The following USP43 variants were observed in gnomAD, a reference collection of about 807,000 sequenced individuals.
The protein encoded by USP43 is ubiquitin specific peptidase 43.
Under a neutral mutation model 90.7 loss-of-function variants are expected in USP43, and 33 were observed. The observed-to-expected ratio is 0.36, with a 90% CI of 0.28 to 0.49. The LOEUF (loss-of-function observed/expected upper bound fraction) is 0.49. Among genes scored for constraint, USP43 ranks in the 20% least tolerant of loss-of-function variants. The pLI, the probability that USP43 is intolerant of heterozygous loss-of-function variation, is 0.98. For synonymous variants in USP43, 598 were observed against 615.8 expected, an observed-to-expected ratio of 0.97 and a Z score of 0.43; for missense variants, 1,274 against 1,476.4, an observed-to-expected ratio of 0.86 and a Z score of 2.25.
intron 2 of USP43, among the ~76,000 whole-genome samples, chr17:9,664,789 C>T (rs1464897091): frequency 1.3e-5 from 2 of 152,114 alleles, no homozygotes; most frequent in African/African-American, 2.4e-5. Context: ...AGGTGCCCGC[C>T]ACCACGCCCA....
chr17:9,719,446 G>T (rs540743549), intron 14 of USP43, among the ~76,000 whole-genome samples: 3 of 152,186 alleles, frequency 2.0e-5, no homozygotes, highest in South Asian at 2.1e-4. Flanking sequence ...CATTTTACTC[G>T]CATTCTCTAA....
chr17:9,680,308 G>A lies in USP43; in HGVS notation c.1047G>A (p.Glu349=). 4 of 1,613,964 alleles carry A rather than the reference G, an allele frequency of 2.5e-6. No homozygotes were observed. In the South Asian group the frequency reaches 4.4e-5, roughly 18 times the overall value. ...FDEEDLNTIA[E]GDNVYAFQVP... ...AAGAGGACCTGAATACCATCGCAGA[G>A]GGAGATAATGTGTATGCCTTTCAAG... The change falls in exon 6 of 15, where the codon GAG becomes GAA. Residue 349 remains glutamate, a synonymous_variant. Coordinates refer to ENST00000285199, the MANE Select transcript of USP43 (RefSeq NM_153210.5).
chr17:9,678,782 A>C (rs75742635), intron 5 of USP43, among the ~76,000 whole-genome samples: 10,739 of 149,414 alleles, frequency 0.072, 358 homozygotes, highest in African/African-American at 0.083. Context: ...TTTTACATTG[A>C]GCAATTTTTC....
intron 1 of USP43, among the ~76,000 whole-genome samples, chr17:9,651,245 G>T (rs1187474233): frequency 6.6e-6 from 1 of 151,754 alleles, no homozygotes; most frequent in Non-Finnish European, 1.5e-5. Context: ...CTGGAGTGTG[G>T]CAGTGGTGCA....
At chr17:9,683,998 G>A (rs1273151742) in intron 7 of USP43, among the ~76,000 whole-genome samples, 1 of 152,048 alleles carries the variant, frequency 6.6e-6, no homozygotes, top group Non-Finnish European at 1.5e-5. Flanking sequence ...CTATCCAGGT[G>A]TGGTGGCACG....
intron 8 of USP43, among the ~76,000 whole-genome samples, chr17:9,692,337 C>A (rs368522257): frequency 6.6e-6 from 1 of 152,088 alleles, no homozygotes; most frequent in Non-Finnish European, 1.5e-5. Flanking sequence ...CCAGCCTGGG[C>A]GACAGAGTGA....
At chr17:9,706,190 T>C (rs1243017347) in intron 12 of USP43, among the ~76,000 whole-genome samples, 1 of 152,218 alleles carries the variant, frequency 6.6e-6, no homozygotes, top group Non-Finnish European at 1.5e-5. Flanking sequence ...AATGAATTAT[T>C]AGTCTTTTTC....
At chr17:9,657,058 G>A (rs1177476171) in intron 2 of USP43, among the ~76,000 whole-genome samples, 1 of 152,156 alleles carries the variant, frequency 6.6e-6, no homozygotes, top group Non-Finnish European at 1.5e-5. Flanking sequence ...TTTGTCATAA[G>A]CACAGCTAAT....
At chr17:9,679,245 A>T (rs1913995021) in intron 5 of USP43, among the ~76,000 whole-genome samples, 1 of 152,184 alleles carries the variant, frequency 6.6e-6, no homozygotes, top group Non-Finnish European at 1.5e-5. Context: ...TCTGTTGCCC[A>T]GGCTGGAGTG....
At chr17:9,659,114 A>C (rs770397421) in intron 2 of USP43, among the ~76,000 whole-genome samples, 1 of 152,198 alleles carries the variant, frequency 6.6e-6, no homozygotes, top group African/African-American at 2.4e-5. Flanking sequence ...AAAGAAAGGA[A>C]TGCTGAGCAG....
intron 2 of USP43, among the ~76,000 whole-genome samples, chr17:9,666,338 G>C (rs1161075992): frequency 6.6e-6 from 1 of 152,156 alleles, no homozygotes; most frequent in Admixed American, 6.5e-5. Flanking sequence ...GAGTGGGACA[G>C]AAATAACGCG....
intron 3 of USP43, chr17:9,669,876 G>A (rs1311450964): frequency 6.6e-6 from 1 of 152,670 alleles, no homozygotes; most frequent in Non-Finnish European, 1.5e-5. Context: ...GAGTAGAGCA[G>A]CTGGGATTAC....
chr17:9,677,112 A>T (rs574324421), intron 5 of USP43, among the ~76,000 whole-genome samples: 1 of 152,256 alleles, frequency 6.6e-6, no homozygotes, highest in South Asian at 2.1e-4. Context: ...AGGCAATGAC[A>T]ATTATGATCA....
rs561321525 is a variant in USP43 at position 9,711,907 on chromosome 17, C to A, written c.2171-61C>A. 1.2e-4 allele frequency: 173 copies of A among 1,490,404 alleles called. No individual in the cohort carries two copies. In the African/African-American group the frequency reaches 2.1e-3, roughly 18 times the overall value. 92.3% of individuals were successfully genotyped at this position (1,490,404 alleles called of 1,614,324 possible). ...AATGGGGATCTGGTTGTGAGATGCT[C>A]CGCTAGGACTCTGAAGTGCTGGGGT... On this transcript the variant is annotated intron_variant, in intron 13 of 14. Transcript: ENST00000285199.
chr17:9,645,508 C>G (rs1343570313), upstream of USP43: 27 of 960,874 alleles, frequency 2.8e-5, no homozygotes, highest in East Asian at 1.3e-3. This position sits in a 1 kb window ranked among gnomAD's most constrained non-coding sequence, Gnocchi z 6.8. Flanking sequence ...GCCTCCGCCC[C>G]GTCCCCGCAC....
At chr17:9,721,328 G>A (rs906783244) in intron 14 of USP43, among the ~76,000 whole-genome samples, 3 of 152,000 alleles carry the variant, frequency 2.0e-5, no homozygotes, top group Admixed American at 6.6e-5. Context: ...ATTTCATTTC[G>A]GTTTTGATTT....
intron 14 of USP43, among the ~76,000 whole-genome samples, chr17:9,721,070 G>A (rs1916928492): frequency 6.6e-6 from 1 of 152,134 alleles, no homozygotes; most frequent in African/African-American, 2.4e-5. Context: ...ATTGAGGTGG[G>A]TGTGGGGGAA....
At chr17:9,711,930 G>A (rs1396539618) in intron 13 of USP43, 38 bp from the exon 14 acceptor site, 1 of 1,547,590 alleles carries the variant, frequency 6.5e-7, no homozygotes. Context: ...GAAGTGCTGG[G>A]GTTGGGCTCA....
At chr17:9,678,107 A>G (rs1913908461) in intron 5 of USP43, among the ~76,000 whole-genome samples, 1 of 152,178 alleles carries the variant, frequency 6.6e-6, no homozygotes, top group Non-Finnish European at 1.5e-5. Flanking sequence ...CAGTAAGAAA[A>G]GATCAAAAGG....
Sources: allele counts gnomAD v4.1 joint callset (sites outside exome capture counted in the v4.1 genomes callset), GRCh38; gene constraint gnomAD v4.1.1; non-coding constraint Gnocchi (gnomAD v3.1); transcripts MANE v1.5; gene names NCBI Gene and HGNC (gene_info 2026-07-23, HGNC 2026-07-21).